AFF1: variants seen among roughly 807,000 people sequenced by gnomAD.
AFF1 encodes the protein ALF transcription elongation factor 1, also known as AF4/FMR2 family member 1.
Under a neutral mutation model 121.7 loss-of-function variants are expected in AFF1, and 48 were observed. The observed-to-expected ratio is 0.39, with a 90% confidence interval of 0.31 to 0.50. The LOEUF (loss-of-function observed/expected upper bound fraction) is 0.50, where lower values mean the gene tolerates loss of function less well. Among genes scored for constraint, AFF1 ranks in the 20% least tolerant of loss-of-function variants. The pLI is 0.76. For synonymous variants in AFF1, 613 were observed against 563.0 expected (o/e 1.09, Z -1.26); for missense variants, 1,523 against 1,511.7 (o/e 1.01, Z -0.12).
intron 4 of AFF1, chr4:87,049,768 TGGGAG>T (rs1731093621): frequency 2.2e-6 from 1 of 454,850 alleles, no homozygotes; most frequent in Non-Finnish European, 4.4e-6. Context: ...TGTTGGTGAG[TGGGAG>T]GATGGAACTG....
chr4:86,979,181 T>G (rs111834846), intron 2 of AFF1, among the ~76,000 whole-genome samples: 6,394 of 152,240 alleles, frequency 0.042, 436 homozygotes, highest in African/African-American at 0.15. Context: ...CACTGCAACC[T>G]CCGCCTCTTG....
At chr4:86,998,722 A>AT (rs1012217900) in intron 2 of AFF1, among the ~76,000 whole-genome samples, 8 of 152,116 alleles carry the variant, frequency 5.3e-5, no homozygotes, top group East Asian at 1.9e-4. Context: ...GTCATTAAGT[A>AT]TTTTTTGTAA....
intron 5 of AFF1, among the ~76,000 whole-genome samples, chr4:87,085,871 C>T (rs138492172): frequency 0.013 from 2,028 of 151,786 alleles, 46 homozygotes; most frequent in African/African-American, 0.046. Context: ...CCCAAGTAGC[C>T]GGGATTACAG....
intron 2 of AFF1, among the ~76,000 whole-genome samples, chr4:86,983,955 T>G (rs923870490): frequency 2.0e-4 from 31 of 151,544 alleles, no homozygotes; most frequent in African/African-American, 7.0e-4. Context: ...GAGAATGGTG[T>G]GAACCCGGGA....
At chr4:87,045,740 C>G (rs1730623994) in intron 2 of AFF1, among the ~76,000 whole-genome samples, 1 of 152,150 alleles carries the variant, frequency 6.6e-6, no homozygotes, top group African/African-American at 2.4e-5. Context: ...ATGTACGCTA[C>G]TGATCCAGGA....
At chr4:86,937,490 TTGAC>T (rs1353129492) in intron 1 of AFF1, among the ~76,000 whole-genome samples, 3 of 152,252 alleles carry the variant, frequency 2.0e-5, no homozygotes, top group South Asian at 2.1e-4. Flanking sequence ...ACTTTTTTAA[TTGAC>T]TGAGAACTTG....
intron 19 of AFF1, among the ~76,000 whole-genome samples, chr4:87,133,781 A>G (rs1293267738): frequency 6.6e-6 from 1 of 152,000 alleles, no homozygotes; most frequent in Non-Finnish European, 1.5e-5. Flanking sequence ...ATATTCATTA[A>G]CTCTTTTTTA....
At position 87,115,004 on chromosome 4, in the gene AFF1, G is replaced by T; in HGVS notation, c.2171G>T (p.Ser724Ile). 1 of 1,613,730 alleles carries T rather than the reference G, an allele frequency of 6.2e-7. No individual in the cohort carries two copies. Among genetic ancestry groups the T allele is most frequent in the African/African-American group, 1.3e-5 (1 of 75,050 alleles). Residue 724 changes from serine to isoleucine, a missense_variant, in exon 12 of 21, where the codon AGC (serine) becomes ATC (isoleucine). Transcript: ENST00000395146. Reference protein sequence around the residue: ...TESQGPPHSGSGSRTSGCRQA... With the variant: ...TESQGPPHSGIGSRTSGCRQA... Reference sequence around the variant, plus strand: ...AGCCAGGGCCCACCCCACAGTGGCAGCGGCAGCAGGACTAGTGGCTGCCGC... The same window carrying T: ...AGCCAGGGCCCACCCCACAGTGGCATCGGCAGCAGGACTAGTGGCTGCCGC...
chr4:87,019,633 G>A (rs768738823), intron 2 of AFF1, among the ~76,000 whole-genome samples: 1 of 152,232 alleles, frequency 6.6e-6, no homozygotes, highest in Admixed American at 6.5e-5. Context: ...GCATGTGGAG[G>A]TTTAGGGAGA....
intron 4 of AFF1, among the ~76,000 whole-genome samples, chr4:87,065,726 C>A (rs1721285225): frequency 6.6e-6 from 1 of 152,096 alleles, no homozygotes; most frequent in African/African-American, 2.4e-5. Flanking sequence ...TAAACATTTT[C>A]TTGCCTTACC....
intron 8 of AFF1, among the ~76,000 whole-genome samples, chr4:87,101,741 G>C (rs963623227): frequency 1.3e-5 from 2 of 152,166 alleles, no homozygotes; most frequent in African/African-American, 4.8e-5. Context: ...TTCCCGAAAA[G>C]TGTTACTTTT....
chr4:87,042,760 G>T (rs1268610255), intron 2 of AFF1, among the ~76,000 whole-genome samples: 4 of 152,180 alleles, frequency 2.6e-5, no homozygotes, highest in Non-Finnish European at 4.4e-5. Context: ...TTTCCTCCCT[G>T]TGGGAGAATT....
rs188887517 is a variant in AFF1, at chr4:87,058,510, A to G, written c.1059+10916A>G. Among the ~76,000 whole-genome samples, 660 of 152,106 alleles carry G rather than the reference A, an allele frequency of 4.3e-3. 6 individuals carry two copies. The highest frequency in any genetic ancestry group is 0.015 in the African/African-American group (631 of 41,506). On this transcript the variant is annotated intron_variant, in intron 4 of 20. Transcript: ENST00000395146. ...AATTCTCTCAGTTCTTTCTACCTAC[A>G]GTGCCACCCCCGCCCCCAAATCATA...
In AFF1 at chr4:87,030,152, C is replaced by G. The variant is rs1728927290; in HGVS notation, c.39-16014C>G. On this transcript the variant is annotated intron_variant, in intron 2 of 20. Transcript: ENST00000395146. The stretch of plus-strand genomic sequence containing the variant: ...ATGAACTTAAAAAAAAAAAAATCAC[C>G]CCTTGTGTTTCTTACTAATTTAGGG... Among the ~76,000 whole-genome samples, 5 of 152,044 alleles carry G rather than the reference C, an allele frequency of 3.3e-5. No individual in the cohort carries two copies. In the South Asian group the frequency reaches 1.0e-3, roughly 32 times the overall value.
intron 4 of AFF1, among the ~76,000 whole-genome samples, chr4:87,068,508 A>G (rs1721620414): frequency 6.6e-6 from 1 of 152,172 alleles, no homozygotes; most frequent in African/African-American, 2.4e-5. Context: ...AGGTTAAACT[A>G]TTTTTGGGTC....
At chr4:87,101,759 T>A (rs1476924441) in intron 8 of AFF1, among the ~76,000 whole-genome samples, 1 of 152,218 alleles carries the variant, frequency 6.6e-6, no homozygotes, top group Non-Finnish European at 1.5e-5. Context: ...TTTCTTATTA[T>A]TTTTAGCACA....
intron 6 of AFF1, 139 bp downstream of exon 6, chr4:87,090,209 C>T (rs1724163601): frequency 1.6e-6 from 1 of 621,228 alleles, no homozygotes; most frequent in Non-Finnish European, 2.7e-6. Context: ...TTAGCTTCTA[C>T]AGTGCTTCAG....
intron 2 of AFF1, among the ~76,000 whole-genome samples, chr4:87,028,421 T>C (rs1347629051): frequency 6.6e-6 from 1 of 152,224 alleles, no homozygotes; most frequent in East Asian, 1.9e-4. Flanking sequence ...TTGGAACTAT[T>C]CTTAAGGTTA....
chr4:86,979,644 A>G (rs532887029), intron 2 of AFF1, among the ~76,000 whole-genome samples: 1 of 152,360 alleles, frequency 6.6e-6, no homozygotes, highest in East Asian at 1.9e-4. Context: ...CTTTAATATG[A>G]AAAGATACTC....
Sources: allele counts gnomAD v4.1 joint callset (sites outside exome capture counted in the v4.1 genomes callset), GRCh38; gene constraint gnomAD v4.1.1; transcripts MANE v1.5; gene names NCBI Gene and HGNC (gene_info 2026-07-23, HGNC 2026-07-21).